The following ZNF469 variants were observed in gnomAD, a reference collection of about 807,000 sequenced individuals.
The protein encoded by ZNF469 is zinc finger protein 469.
A neutral mutation model predicts 1.0 loss-of-function variants in ZNF469; 1 was observed. The observed-to-expected ratio is 1.00, with a 90% confidence interval of 0.35 to 4.73. ZNF469 has a LOEUF of 4.73. Among genes scored for constraint, ZNF469 ranks in the 30% most tolerant of loss-of-function variants. ZNF469 has a pLI of 0.16. For synonymous variants in ZNF469, 2,703 were observed against 2,363.4 expected (o/e 1.14, Z -4.17); for missense variants, 6,100 against 5,356.3 (o/e 1.14, Z -4.33).
the ZNF469 span, among the ~76,000 whole-genome samples, chr16:88,311,668 C>T: frequency 1.3e-5 from 2 of 152,136 alleles, no homozygotes; most frequent in Non-Finnish European, 2.9e-5. Context: ...GTCCCTGCAG[C>T]GTTGCAGAGA....
chr16:88,181,671 T>C, the ZNF469 span, among the ~76,000 whole-genome samples: 1 of 152,224 alleles, frequency 6.6e-6, no homozygotes, highest in Non-Finnish European at 1.5e-5. Flanking sequence ...TGGAAGAACA[T>C]TTATAGCATT....
At chr16:88,367,472 C>T in the ZNF469 span, among the ~76,000 whole-genome samples, 1 of 152,254 alleles carries the variant, frequency 6.6e-6, no homozygotes, top group Non-Finnish European at 1.5e-5. Context: ...CCTTCGCCAC[C>T]TTTTCCCAGG....
chr16:88,413,776 G>A (rs71394096), intron 1 of ZNF469, among the ~76,000 whole-genome samples: 36 of 152,228 alleles, frequency 2.4e-4, no homozygotes, highest in Non-Finnish European at 3.8e-4. Flanking sequence ...CCTGGGCTCC[G>A]CGCCTCAGGG....
chr16:88,208,803 A>ACACACACACACACT, the ZNF469 span, among the ~76,000 whole-genome samples: 74 of 123,644 alleles, frequency 6.0e-4, no homozygotes, highest in African/African-American at 2.0e-3. Flanking sequence ...ACACACACAC[A>ACACACACACACACT]CTCTCTCTCT....
chr16:88,251,369 C>T, the ZNF469 span, among the ~76,000 whole-genome samples: 1 of 150,680 alleles, frequency 6.6e-6, no homozygotes, highest in Non-Finnish European at 1.5e-5. Flanking sequence ...TCTACATGCA[C>T]GTGTCAGGTA....
At position 88,436,429 on chromosome 16, in the gene ZNF469, A is replaced by G. The variant is rs1186801930; in HGVS notation, c.8959A>G (p.Ile2987Val). ...CCCCGAGGACGATCGGCCGGAGGCC[A>G]TTCCTGAGCTGCACATGGTCCCAGC... ...HCPEDDRPEA[I>V]PELHMVPAAW... is the part of the protein sequence containing the mutation. Residue 2987 changes from isoleucine to valine, a missense_variant, in exon 3 of 3, where the codon ATT becomes GTT. Physicochemically the swap from Ile to Val is conservative, Grantham distance 29. Transcript: ENST00000565624. The G allele has an allele frequency of 7.1e-6, 11 of 1,548,612 alleles. No individual in the cohort carries two copies. The East Asian group carries it at 2.2e-4, about 31-fold the overall frequency.
chr16:88,230,325 T>C, the ZNF469 span, among the ~76,000 whole-genome samples: 1 of 152,210 alleles, frequency 6.6e-6, no homozygotes, highest in Non-Finnish European at 1.5e-5. Flanking sequence ...TGAGGCGGCC[T>C]CTGGCCTCTG....
intron 1 of ZNF469, among the ~76,000 whole-genome samples, chr16:88,388,894 C>T (rs918441877): frequency 1.3e-5 from 2 of 151,986 alleles, no homozygotes; most frequent in Non-Finnish European, 2.9e-5. Context: ...AGCTGGGTGC[C>T]AGGGCCAGTC....
At position 88,435,413 on chromosome 16, in the gene ZNF469, T is replaced by C. The variant is rs1010647596; in HGVS notation, c.7943T>C (p.Ile2648Thr). 1.3e-6 allele frequency: 2 copies of C among 1,550,146 alleles called. No individual in the cohort carries two copies. Among genetic ancestry groups the C allele is most frequent in the African/African-American group, 2.7e-5 (2 of 73,016 alleles). The change falls in exon 3 of 3, where the codon ATT (isoleucine) becomes ACT (threonine). Residue 2648 changes from isoleucine (I) to threonine (T), a missense_variant. Physicochemically the swap from Ile to Thr is moderately conservative, Grantham distance 89 (BLOSUM62 -1). Transcript: ENST00000565624. ...LRGRRLREES[I>T]LPVSADVISD... is the part of the protein sequence containing the mutation. ...GGGAGAAGGCTCCGGGAGGAGAGCA[T>C]TCTTCCAGTCTCTGCTGATGTGATT...
At chr16:88,370,382 G>A in the ZNF469 span, among the ~76,000 whole-genome samples, 2 of 152,168 alleles carry the variant, frequency 1.3e-5, no homozygotes, top group African/African-American at 4.8e-5. Flanking sequence ...TTATTCCTCA[G>A]GGGAAAGCCA....
the ZNF469 span, among the ~76,000 whole-genome samples, chr16:88,314,573 T>C: frequency 6.6e-6 from 1 of 151,308 alleles, no homozygotes; most frequent in South Asian, 2.1e-4. Context: ...TCTCTGTAAT[T>C]CAGGCAGTGC....
chr16:88,333,012 C>G, the ZNF469 span, among the ~76,000 whole-genome samples: 4 of 152,214 alleles, frequency 2.6e-5, no homozygotes, highest in Admixed American at 2.0e-4. Flanking sequence ...GAGGTGCACT[C>G]TGGCACCAGG....
chr16:88,324,657 G>C, the ZNF469 span, among the ~76,000 whole-genome samples: 2 of 152,240 alleles, frequency 1.3e-5, no homozygotes, highest in Non-Finnish European at 2.9e-5. Flanking sequence ...ATAAGGGACT[G>C]TAGCTGTTTT....
chr16:88,150,890 C>A, the ZNF469 span, among the ~76,000 whole-genome samples: 1 of 152,068 alleles, frequency 6.6e-6, no homozygotes, highest in African/African-American at 2.4e-5. Context: ...TCTCTCGCCA[C>A]GGTGGGGAAA....
the ZNF469 span, among the ~76,000 whole-genome samples, chr16:88,285,511 C>T: frequency 6.6e-6 from 1 of 152,250 alleles, no homozygotes; most frequent in Non-Finnish European, 1.5e-5. Context: ...CCACAAAGAG[C>T]AGGGTCAGCC....
At chr16:88,155,566 G>A in the ZNF469 span, among the ~76,000 whole-genome samples, 1 of 152,186 alleles carries the variant, frequency 6.6e-6, no homozygotes, top group Non-Finnish European at 1.5e-5. Flanking sequence ...CACACAAGAC[G>A]TGGCCTCTGC....
At chr16:88,344,790 C>T in the ZNF469 span, among the ~76,000 whole-genome samples, 15 of 152,324 alleles carry the variant, frequency 9.8e-5, no homozygotes, top group African/African-American at 3.1e-4. Context: ...GTGTGTGCCC[C>T]GTGTCCCAGA....
the ZNF469 span, among the ~76,000 whole-genome samples, chr16:88,151,993 T>C: frequency 6.6e-6 from 1 of 152,180 alleles, no homozygotes; most frequent in Non-Finnish European, 1.5e-5. This position sits in a 1 kb window ranked among gnomAD's most constrained non-coding sequence, Gnocchi z 5.4. Flanking sequence ...ACACCAGCAG[T>C]AGATACTCCC....
the ZNF469 span, among the ~76,000 whole-genome samples, chr16:88,104,575 C>T: frequency 6.6e-5 from 10 of 152,260 alleles, no homozygotes; most frequent in South Asian, 2.1e-4. Context: ...GCGTGGGTCA[C>T]GCAACGCGTG....
Sources: gnomAD v4.1 joint callset for allele counts (sites outside exome capture counted in the v4.1 genomes callset) on GRCh38, gnomAD v4.1.1 for gene constraint, Gnocchi (gnomAD v3.1) non-coding constraint, MANE v1.5 for transcripts, NCBI Gene and HGNC (gene_info 2026-07-23, HGNC 2026-07-21) for gene names.